Variants in MYRFL observed in about 807,000 individuals in gnomAD.
The protein encoded by MYRFL is myelin regulatory factor-like protein.
Under a neutral mutation model 109.4 loss-of-function variants are expected in MYRFL, and 88 were observed. The observed-to-expected ratio is 0.80, with a 90% CI of 0.68 to 0.96. MYRFL has a LOEUF of 0.96. Ranked by LOEUF, MYRFL falls within the 40% of genes least tolerant of loss-of-function variation. MYRFL has a pLI of 0.00. For synonymous variants in MYRFL, 324 were observed against 320.9 expected (o/e 1.01, Z -0.10); for missense variants, 957 against 954.9 (o/e 1.00, Z -0.03).
intron 6 of MYRFL, among the ~76,000 whole-genome samples, chr12:69,888,030 A>G (rs1592759501): frequency 6.6e-6 from 1 of 152,336 alleles, no homozygotes; most frequent in South Asian, 2.1e-4. Flanking sequence ...TGCTTTAATT[A>G]AAACTTAACT....
At chr12:69,846,133 T>TTTTTTTTTTTCC (rs869303339) in intron 1 of MYRFL, among the ~76,000 whole-genome samples, 1 of 124,482 alleles carries the variant, frequency 8.0e-6, no homozygotes, top group African/African-American at 2.8e-5. Flanking sequence ...TTTTTTTTTT[T>TTTTTTTTTTTCC]ATGACTGCCA....
intron 2 of MYRFL, among the ~76,000 whole-genome samples, chr12:69,858,414 T>A (rs538895719): frequency 6.6e-6 from 1 of 152,142 alleles, no homozygotes; most frequent in Admixed American, 6.5e-5. Context: ...TGAGATAGTG[T>A]AGAATTGGAT....
Position 69,872,528 on chromosome 12 carries a change from T to G in MYRFL, c.138-6500T>G, listed in dbSNP as rs529745548. Among the ~76,000 whole-genome samples, 7 of 151,946 alleles carry G rather than the reference T, an allele frequency of 4.6e-5. 1 individual carries two copies. In the South Asian group the frequency reaches 1.5e-3, roughly 32 times the overall value. ...AAAATTTTTTTTTTTTGAGATGGAG[T>G]CTCGCTCTGTTGCCTAGGCTGGAGT... is the stretch of plus-strand genomic sequence containing the variant. On this transcript the variant is annotated intron_variant, in intron 2 of 24. Transcript: ENST00000552032.
Position 69,891,690 on chromosome 12 carries a change from G to GTTCT in MYRFL, c.903+527_903+528insTTTC, listed in dbSNP as rs1199658772. Among the ~76,000 whole-genome samples, 52 of 44,704 alleles carry GTTCT rather than the reference G, an allele frequency of 1.2e-3. 1 individual carries two copies. The highest frequency in any genetic ancestry group is 0.011 in the Middle Eastern group (1 of 92). 29.3% of individuals were successfully genotyped at this position (44,704 alleles called of 152,430 possible). On this transcript the variant is annotated intron_variant, in intron 7 of 24. Coordinates refer to ENST00000552032, the MANE Select transcript of MYRFL (RefSeq NM_182530.3). The stretch of plus-strand genomic sequence containing the variant: ...CTTTCTTTCTTTCTTTCTTTCGTTC[G>GTTCT]TTCGTTCTTTCTTTCTTTTTTTCTT...
At chr12:69,944,837 C>G (rs954641113) in intron 19 of MYRFL, among the ~76,000 whole-genome samples, 2 of 151,982 alleles carry the variant, frequency 1.3e-5, no homozygotes, top group Admixed American at 6.5e-5. Flanking sequence ...TGTAACACAC[C>G]TGCACGTTCT....
chr12:69,926,178 G>A lies in MYRFL; in HGVS notation c.1603-393G>A, dbSNP rs926785240. Among the ~76,000 whole-genome samples the A allele has an allele frequency of 5.2e-4, 65 of 124,082 alleles. 1 individual carries two copies. The highest frequency in any genetic ancestry group is 2.2e-3 in the African/African-American group (54 of 24,296). The allele number at this position is 124,082 out of a possible 152,430, so 81.4% of individuals were successfully genotyped here. On this transcript the variant is annotated intron_variant, in intron 13 of 24. Coordinates refer to ENST00000552032, the MANE Select transcript of MYRFL (RefSeq NM_182530.3). ...TTACTCTTGTTTCCCAGGTTGGAGT[G>A]CAATGGCACAATCTCAGCTCACTGC...
At chr12:69,952,589 ATTAG>A (rs1211488110) in intron 20 of MYRFL, among the ~76,000 whole-genome samples, 2 of 152,018 alleles carry the variant, frequency 1.3e-5, no homozygotes, top group African/African-American at 4.8e-5. Flanking sequence ...CTGAGTTTTT[ATTAG>A]TTTTTCTAAT....
intron 2 of MYRFL, among the ~76,000 whole-genome samples, chr12:69,867,495 A>G (rs1352240550): frequency 6.6e-6 from 1 of 152,148 alleles, no homozygotes; most frequent in Admixed American, 6.6e-5. Flanking sequence ...GTAGGAGGGA[A>G]CTAGCTGAGG....
chr12:69,954,219 T>C (rs1298811726), intron 21 of MYRFL, among the ~76,000 whole-genome samples: 1 of 152,192 alleles, frequency 6.6e-6, no homozygotes, highest in Non-Finnish European at 1.5e-5. Context: ...AAGATGTTTA[T>C]TCTCCCCAAA....
intron 2 of MYRFL, among the ~76,000 whole-genome samples, chr12:69,869,691 G>A (rs919455761): frequency 1.3e-5 from 2 of 152,310 alleles, no homozygotes; most frequent in African/African-American, 4.8e-5. Context: ...TGAAGGCACC[G>A]AGGGATTCAT....
intron 5 of MYRFL, 148 bp downstream of exon 5, chr12:69,880,440 T>C (rs1886002894): frequency 1.8e-6 from 1 of 568,386 alleles, no homozygotes. Flanking sequence ...TTCTTCCCTC[T>C]TGATGTACCT....
At chr12:69,828,213 T>TC (rs1311346580) in intron 1 of MYRFL, among the ~76,000 whole-genome samples, 1 of 152,084 alleles carries the variant, frequency 6.6e-6, no homozygotes, top group Non-Finnish European at 1.5e-5. Context: ...TTTGCCCCTT[T>TC]CAGTGTGGTA....
chr12:69,935,336 G>A (rs1211480243), intron 16 of MYRFL, among the ~76,000 whole-genome samples: 1 of 151,898 alleles, frequency 6.6e-6, no homozygotes, highest in African/African-American at 2.4e-5. Context: ...GCACAAAACA[G>A]TGCTGTAAAG....
chr12:69,943,845 C>T (rs1955745637), intron 19 of MYRFL, among the ~76,000 whole-genome samples: 1 of 152,076 alleles, frequency 6.6e-6, no homozygotes, highest in South Asian at 2.1e-4. Context: ...AAGAAAAAAA[C>T]AAACAGCCCC....
intron 11 of MYRFL, 68 bp downstream of exon 11, chr12:69,903,912 C>T (rs1954272176): frequency 7.3e-7 from 1 of 1,377,342 alleles, no homozygotes; most frequent in Admixed American, 2.5e-5. Flanking sequence ...GTGCTCCTGG[C>T]CTCTGACACA....
chr12:69,844,413 G>A (rs1294496054), intron 1 of MYRFL, among the ~76,000 whole-genome samples: 2 of 152,124 alleles, frequency 1.3e-5, no homozygotes, highest in Non-Finnish European at 2.9e-5. Flanking sequence ...AGGGGAGAGT[G>A]AAGGGTGCCA....
chr12:69,842,920 T>A (rs967130102), intron 1 of MYRFL, among the ~76,000 whole-genome samples: 2 of 152,220 alleles, frequency 1.3e-5, no homozygotes, highest in African/African-American at 4.8e-5. Flanking sequence ...CACTGGACCG[T>A]GAGCTTGTTT....
intron 1 of MYRFL, among the ~76,000 whole-genome samples, chr12:69,847,312 T>C (rs1336294086): frequency 2.0e-5 from 3 of 152,344 alleles, no homozygotes; most frequent in Admixed American, 6.5e-5. Flanking sequence ...GCCCCAATTA[T>C]GCCACCTCTT....
intron 13 of MYRFL, among the ~76,000 whole-genome samples, chr12:69,911,560 C>T (rs948237332): frequency 5.9e-5 from 9 of 152,134 alleles, no homozygotes; most frequent in Non-Finnish European, 1.3e-4. Context: ...TGAAGGAATG[C>T]CATCATGCCT....
Sources: allele counts gnomAD v4.1 joint callset (sites outside exome capture counted in the v4.1 genomes callset), GRCh38; gene constraint gnomAD v4.1.1; transcripts MANE v1.5; gene names NCBI Gene and HGNC (gene_info 2026-07-23, HGNC 2026-07-21).